The following BCAR1 variants were observed in gnomAD, a reference collection of about 807,000 sequenced individuals.
BCAR1 encodes breast cancer anti-estrogen resistance protein 1.
In BCAR1, 30 loss-of-function variants were observed where a neutral mutation model predicts 67.6. The observed-to-expected ratio is 0.44, with a 90% confidence interval of 0.33 to 0.60. BCAR1 has a LOEUF of 0.60. BCAR1 is among the 20% of genes least tolerant of loss of function. The pLI is 0.02. For synonymous variants in BCAR1, 626 were observed against 556.7 expected (o/e 1.12, Z -1.75); for missense variants, 1,313 against 1,222.3 (o/e 1.07, Z -1.11).
At chr16:75,234,058 C>CACGCACACGTGG (rs2077000291) in intron 5 of BCAR1, 123 bp from the exon 6 acceptor site, 5 of 840,824 alleles carry the variant, frequency 5.9e-6, no homozygotes, top group Non-Finnish European at 9.7e-6. Context: ...CGCGCACACA[C>CACGCACACGTGG]ACGCACACGT....
intron 2 of BCAR1, chr16:75,238,205 G>C (rs749512091): frequency 1.2e-5 from 15 of 1,202,538 alleles, no homozygotes; most frequent in Non-Finnish European, 1.5e-5. Flanking sequence ...AAGCGGGTAG[G>C]GGCCATGCCA....
intron 6 of BCAR1, among the ~76,000 whole-genome samples, 182 bp from the exon 7 acceptor site, chr16:75,230,205 T>C (rs2076852757): frequency 6.6e-6 from 1 of 152,322 alleles, no homozygotes; most frequent in South Asian, 2.1e-4. Context: ...GCAAGCCTTC[T>C]GGAGGTTGTT....
chr16:75,260,633 C>CAAA (rs59667747), intron 1 of BCAR1, among the ~76,000 whole-genome samples: 1 of 118,170 alleles, frequency 8.5e-6, no homozygotes, highest in Non-Finnish European at 1.8e-5. Context: ...GACTCCATCT[C>CAAA]AAAAAAAAAA....
At chr16:75,256,350 G>T (rs2077774788), upstream of BCAR1, 1 of 124,986 alleles carries the variant, frequency 8.0e-6, no homozygotes, top group Non-Finnish European at 1.7e-5. Context: ...ATTACCAGTA[G>T]TGGCTCTGAC....
Position 75,229,397 on chromosome 16 carries a change from G to T in BCAR1, c.*114C>A. 7.3e-7 allele frequency: 1 copy of T among 1,372,380 alleles called. No individual in the cohort carries two copies. Among genetic ancestry groups the T allele is most frequent in the Non-Finnish European group, 9.6e-7 (1 of 1,043,706 alleles). The allele number at this position is 1,372,380 out of a possible 1,614,324, so 85.0% of individuals were successfully genotyped here. A position where few individuals can be genotyped will look rare whatever the true frequency, so the allele number is the denominator to read the frequency against. On this transcript the variant is annotated 3_prime_UTR_variant, in exon 7 of 7. Transcript: ENST00000162330. ...CCTGGGCATCCAGGGCACCAGGACC[G>T]ACGCAGAGCTGGGGTCCTGTCCCTA...
At chr16:75,258,135 G>A (rs2077823309) in intron 1 of BCAR1, among the ~76,000 whole-genome samples, 1 of 152,148 alleles carries the variant, frequency 6.6e-6, no homozygotes, top group Non-Finnish European at 1.5e-5. Context: ...CCACCCCGCT[G>A]GGCACCAGGG....
intron 6 of BCAR1, among the ~76,000 whole-genome samples, chr16:75,230,608 A>G (rs16957444): frequency 0.03 from 4,576 of 152,234 alleles, 100 homozygotes; most frequent in Middle Eastern, 0.11. Flanking sequence ...GAAAGTTAAC[A>G]TTTCCACTCC....
At position 75,236,891 on chromosome 16, in the gene BCAR1, G is replaced by A. The variant is rs566168959; in HGVS notation, c.903C>T (p.Asn301=). Reference sequence around the variant, plus strand: ...CCTGGCATTTGCTCACTGCGTGGTGGTTGGACGGTGGCAGGCCCTTCTCCA... The same window carrying A: ...CCTGGCATTTGCTCACTGCGTGGTGATTGGACGGTGGCAGGCCCTTCTCCA... ...PSVEKGLPPS[N]HHAVYDVPPS... Residue 301 remains asparagine (N), a synonymous_variant, in exon 4 of 7, where the codon AAC becomes AAT. Coordinates refer to ENST00000162330, the MANE Select transcript of BCAR1 (RefSeq NM_014567.5). The A allele has an allele frequency of 3.1e-6, 5 of 1,612,540 alleles. No homozygotes were observed. In the South Asian group the frequency reaches 5.5e-5, roughly 18 times the overall value.
chr16:75,259,635 G>A (rs2077854233), intron 1 of BCAR1, among the ~76,000 whole-genome samples: 1 of 151,746 alleles, frequency 6.6e-6, no homozygotes, highest in African/African-American at 2.4e-5. Context: ...GGCGGATCAC[G>A]AGGTCAGGAG....
At chr16:75,231,411 A>C (rs1178565175) in intron 6 of BCAR1, among the ~76,000 whole-genome samples, 1 of 152,154 alleles carries the variant, frequency 6.6e-6, no homozygotes, top group Admixed American at 6.5e-5. Context: ...AACTCTTCAT[A>C]GTTATATAAT....
At chr16:75,240,970 C>T (rs561436040) in intron 2 of BCAR1, among the ~76,000 whole-genome samples, 1 of 152,374 alleles carries the variant, frequency 6.6e-6, no homozygotes, top group South Asian at 2.1e-4. Context: ...GCCCACAGGG[C>T]TTCCAGCCGC....
Position 75,233,923 on chromosome 16 carries a change from A to G in BCAR1, c.2023T>C (p.Phe675Leu), listed in dbSNP as rs778516598. The change falls in exon 6 of 7, where the codon TTT becomes CTT. Residue 675 changes from phenylalanine (F) to leucine (L), a missense_variant. Physicochemically the swap from Phe to Leu is conservative, Grantham distance 22. Transcript: ENST00000162330. Reference sequence around the variant, plus strand: ...AGCAGCTCCTTCTGGGTCTTCTCAAACTCCTCCTTCCCCTGGAGGGCAGAG... The same window carrying G: ...AGCAGCTCCTTCTGGGTCTTCTCAAGCTCCTCCTTCCCCTGGAGGGCAGAG... ...DYVHLQGKEE[F>L]EKTQKELLEK... 2 of 1,607,396 alleles carry G rather than the reference A, an allele frequency of 1.2e-6. No homozygotes were observed. Among genetic ancestry groups the G allele is most frequent in the South Asian group, 1.1e-5 (1 of 89,624 alleles).
intron 1 of BCAR1, among the ~76,000 whole-genome samples, chr16:75,245,117 T>C (rs1036200082): frequency 6.6e-6 from 1 of 152,242 alleles, no homozygotes; most frequent in Non-Finnish European, 1.5e-5. Flanking sequence ...GGGCGGGGGC[T>C]GTCCTGCAGC....
chr16:75,236,044 T>A (rs1252210018), intron 4 of BCAR1, 58 bp from the exon 5 acceptor site: 5 of 1,514,864 alleles, frequency 3.3e-6, no homozygotes, highest in Non-Finnish European at 2.7e-6. Context: ...CCCCAGGGAC[T>A]GGGGGCAGCA....
intron 1 of BCAR1, among the ~76,000 whole-genome samples, chr16:75,245,331 G>A (rs897673225): frequency 1.3e-5 from 2 of 152,240 alleles, no homozygotes; most frequent in Non-Finnish European, 2.9e-5. Context: ...TGAGTCACAG[G>A]AAAATTCCCC....
At chr16:75,251,242 C>T (rs2077671174) in intron 1 of BCAR1, among the ~76,000 whole-genome samples, 1 of 152,102 alleles carries the variant, frequency 6.6e-6, no homozygotes, top group South Asian at 2.1e-4. Flanking sequence ...GGCTGGCGGC[C>T]CCCGCGCCCG....
In BCAR1 at chr16:75,229,337, C is replaced by T. The variant is rs899947591; in HGVS notation, c.*174G>A. ...GCTTCGGCTCCTGAGGAGGCATGGC[C>T]CCACACCCTGCCCGGCCATAAATAT... is the stretch of plus-strand genomic sequence containing the variant. On this transcript the variant is annotated 3_prime_UTR_variant, in exon 7 of 7. Coordinates refer to ENST00000162330, the MANE Select transcript of BCAR1 (RefSeq NM_014567.5). The T allele has an allele frequency of 8.1e-6, 9 of 1,113,858 alleles. No homozygotes were observed. Among genetic ancestry groups the T allele is most frequent in the Non-Finnish European group, 1.1e-5 (9 of 816,838 alleles). The allele number at this position is 1,113,858 out of a possible 1,614,324, so 69.0% of individuals were successfully genotyped here.
chr16:75,235,050 C>G lies in BCAR1; in HGVS notation c.1849G>C (p.Gly617Arg). ...GGGTTGGGGTGCAGGGTGCCACCCC[C>G]CTCAGGCCCCGGGGCAGTGGCCTTG... ...RTKATAPGPE[G>R]GGTLHPNPTD... Residue 617 changes from glycine to arginine, a missense_variant, in exon 5 of 7, where the codon GGG becomes CGG. Gly to Arg is a moderately radical substitution (Grantham distance 125). This residue lies in a region of BCAR1 where 1,272 missense variants were observed against 1,137.5 expected (regional missense o/e 1.12). Coordinates refer to ENST00000162330, the MANE Select transcript of BCAR1 (RefSeq NM_014567.5). 6.2e-7 allele frequency: 1 copy of G among 1,613,262 alleles called. No individual in the cohort carries two copies. Among genetic ancestry groups the G allele is most frequent in the Non-Finnish European group, 8.5e-7 (1 of 1,180,008 alleles).
At chr16:75,257,459 C>T (rs965602892) in intron 1 of BCAR1, among the ~76,000 whole-genome samples, 1 of 151,740 alleles carries the variant, frequency 6.6e-6, no homozygotes, top group Non-Finnish European at 1.5e-5. Flanking sequence ...GAAAGCAATG[C>T]TTTTTTTTCT....
Sources: allele counts gnomAD v4.1 joint callset (sites outside exome capture counted in the v4.1 genomes callset), GRCh38; gene constraint gnomAD v4.1.1; regional missense constraint gnomAD v4.1.1; transcripts MANE v1.5; gene names NCBI Gene and HGNC (gene_info 2026-07-23, HGNC 2026-07-21).